The following LRP4 variants were observed in gnomAD, a reference collection of about 807,000 sequenced individuals.
The protein encoded by LRP4 is low-density lipoprotein receptor-related protein 4.
LRP4 carries 95 observed loss-of-function variants against 220.3 expected under a neutral mutation model. That is an observed-to-expected ratio of 0.43 (90% CI 0.37 to 0.51). The LOEUF (loss-of-function observed/expected upper bound fraction) is 0.51, where lower values mean the gene tolerates loss of function less well. LRP4 is among the 20% of genes least tolerant of loss of function. LRP4 has a pLI of 0.00. For synonymous variants in LRP4, 903 were observed against 954.6 expected (o/e 0.95, Z 1.00); for missense variants, 1,925 against 2,567.0 (o/e 0.75, Z 5.40).
chr11:46,887,312 G>A (rs1941317548), intron 16 of LRP4, among the ~76,000 whole-genome samples: 1 of 152,206 alleles, frequency 6.6e-6, no homozygotes, highest in Non-Finnish European at 1.5e-5. Flanking sequence ...TCCTAGGGCT[G>A]GGAAATCCTT....
intron 15 of LRP4, 111 bp downstream of exon 15, chr11:46,889,833 T>C: frequency 3.2e-6 from 4 of 1,248,814 alleles, no homozygotes; most frequent in Non-Finnish European, 4.7e-6. Flanking sequence ...CCCTGCTGGA[T>C]TTCCCCATCA....
At chr11:46,866,656 C>A (rs1940709326) in intron 34 of LRP4, among the ~76,000 whole-genome samples, 1 of 152,290 alleles carries the variant, frequency 6.6e-6, no homozygotes, top group Admixed American at 6.5e-5. Context: ...CAGTGTCTCA[C>A]ATCTGTAATG....
chr11:46,881,050 T>TA (rs1373515574), intron 20 of LRP4, among the ~76,000 whole-genome samples: 12 of 46,326 alleles, frequency 2.6e-4, no homozygotes, highest in Admixed American at 2.2e-3. Context: ...ACCCTGCCTC[T>TA]AAAAAACCAA....
chr11:46,871,952 G>C (rs946304486), intron 30 of LRP4, among the ~76,000 whole-genome samples: 1 of 152,086 alleles, frequency 6.6e-6, no homozygotes, highest in African/African-American at 2.4e-5. Flanking sequence ...TCTTACAAAT[G>C]GTCTTTAAGA....
chr11:46,865,250 C>T, intron 34 of LRP4, 64 bp from the exon 35 acceptor site: 5 of 1,233,366 alleles, frequency 4.1e-6, no homozygotes, highest in Non-Finnish European at 4.7e-6. Flanking sequence ...TGCCTTCCTC[C>T]AGGAAAGGGG....
chr11:46,892,857 A>G (rs1941450575), intron 13 of LRP4, 116 bp downstream of exon 13: 4 of 1,315,090 alleles, frequency 3.0e-6, no homozygotes, highest in Non-Finnish European at 3.2e-6. Flanking sequence ...GGCGTGAGCC[A>G]CCGCGCCCAG....
chr11:46,912,599 T>C (rs1269093872), intron 1 of LRP4, among the ~76,000 whole-genome samples: 1 of 152,188 alleles, frequency 6.6e-6, no homozygotes, highest in African/African-American at 2.4e-5. Flanking sequence ...AGAAGCTGTC[T>C]CTTGTCCTCA....
Position 46,864,387 on chromosome 11 carries a change from A to T in LRP4, c.5243+61T>A, listed in dbSNP as rs928343950. On this transcript the variant is annotated intron_variant, in intron 36 of 37. Transcript: ENST00000378623. ...TCAGTGAACTGCAGAGCTTCGGGAG[A>T]TCCCAGACATGCTCATGAAGACCAA... 38 of 1,253,212 alleles carry T rather than the reference A, an allele frequency of 3.0e-5. No homozygotes were observed. The Middle Eastern group carries it at 7.5e-4, about 25-fold the overall frequency. The allele number at this position is 1,253,212 out of a possible 1,614,324, so 77.6% of individuals were successfully genotyped here.
rs537403005 is a variant in LRP4 at position 46,878,971 on chromosome 11, G to A, written c.3072C>T (p.Ser1024=). The change falls in exon 22 of 38, where the codon AGC becomes AGT. Residue 1024 remains serine (S), a synonymous_variant. Transcript: ENST00000378623. ...CTGTGGGGCAGGTACAGCTGAATCC[G>A]CTTGGATTTGGGGACCTAAGACACA... The part of the protein sequence containing the change: ...SHLCLRSPNP[S]GFSCTCPTGI... The A allele has an allele frequency of 1.1e-5, 17 of 1,614,218 alleles. No individual in the cohort carries two copies. The highest frequency in any genetic ancestry group is 3.3e-4 in the Middle Eastern group (2 of 6,062).
chr11:46,884,578 A>C (rs1438359905), intron 18 of LRP4, among the ~76,000 whole-genome samples: 2 of 152,034 alleles, frequency 1.3e-5, no homozygotes, highest in African/African-American at 4.8e-5. Context: ...CTACTAAAAA[A>C]TACAAAAAAT....
In LRP4 at chr11:46,873,205, A is replaced by G. The variant is rs1451422777; in HGVS notation, c.4478T>C (p.Ile1493Thr). The change falls in exon 30 of 38, where the codon ATT becomes ACT. Residue 1493 changes from isoleucine to threonine, a missense_variant. Transcript: ENST00000378623. This position sits in a 1 kb window ranked among gnomAD's most constrained non-coding sequence, Gnocchi z 4.2. ...CAAGTTTGCCCGTTCGATCTTGGCA[A>G]TGTGGCCCCAGTCTGTCCAGAAGAG... Reference protein sequence around the residue: ...GYLFWTDWGHIAKIERANLDG... With the variant: ...GYLFWTDWGHTAKIERANLDG... 6.2e-7 allele frequency: 1 copy of G among 1,614,178 alleles called. No homozygotes were observed. Among genetic ancestry groups the G allele is most frequent in the East Asian group, 2.2e-5 (1 of 44,884 alleles).
At chr11:46,889,558 G>A (rs1941375757) in intron 15 of LRP4, 25 bp from the exon 16 acceptor site, 1 of 1,612,300 alleles carries the variant, frequency 6.2e-7, no homozygotes, top group Non-Finnish European at 8.5e-7. Flanking sequence ...CAGGGCAAGA[G>A]GATCAGCGAA....
chr11:46,885,589 T>C (rs1565790072), intron 18 of LRP4, among the ~76,000 whole-genome samples: 1 of 151,980 alleles, frequency 6.6e-6, no homozygotes, highest in Non-Finnish European at 1.5e-5. Context: ...CTGGCCAACA[T>C]GGTGAAACCC....
chr11:46,878,077 C>T (rs1435221632), intron 22 of LRP4, among the ~76,000 whole-genome samples: 1 of 152,048 alleles, frequency 6.6e-6, no homozygotes, highest in African/African-American at 2.4e-5. Flanking sequence ...TGCAGCCTAC[C>T]CTGCAGCATC....
Position 46,879,247 on chromosome 11 carries a change from A to G in LRP4, c.2883T>C (p.Thr961=). ...TCTGTATGCTCTTGGTCTGCCAGTC[A>G]GTCCAATAGATGCGCTCTCCATAGA... ...LTLYGERIYW[T]DWQTKSIQSA... Residue 961 remains threonine (T), a synonymous_variant, in exon 21 of 38, where the codon ACT becomes ACC. Transcript: ENST00000378623. The G allele has an allele frequency of 6.2e-7, 1 of 1,614,236 alleles. No individual in the cohort carries two copies.
In LRP4 at chr11:46,896,990, G is replaced by A. The variant is rs746028762; in HGVS notation, c.801C>T (p.Thr267=). 1.9e-5 allele frequency: 31 copies of A among 1,614,186 alleles called. No individual in the cohort carries two copies. The highest frequency in any genetic ancestry group is 2.6e-5 in the Non-Finnish European group (31 of 1,180,006). ...DDQSDERNCT[T]SMCTAEQFRC... Reference sequence around the variant, plus strand: ...GGAACTGTTCTGCCGTACACATGGAGGTGGCTGGGCAAAGCAAAGGCTTAA... The same window carrying A: ...GGAACTGTTCTGCCGTACACATGGAAGTGGCTGGGCAAAGCAAAGGCTTAA... The change falls in exon 8 of 38, where the codon ACC becomes ACT. Residue 267 remains threonine (T), a synonymous_variant. Transcript: ENST00000378623.
Position 46,877,262 on chromosome 11 carries a change from C to T in LRP4, c.3214G>A (p.Val1072Met), listed in dbSNP as rs781054708. The T allele has an allele frequency of 1.2e-6, 2 of 1,614,004 alleles. No individual in the cohort carries two copies. Among genetic ancestry groups the T allele is most frequent in the Non-Finnish European group, 1.7e-6 (2 of 1,179,908 alleles). ...VSLDIPYFADVVVPINITMKN... is the reference protein window; with the variant it reads ...VSLDIPYFADMVVPINITMKN... The stretch of plus-strand genomic sequence containing the variant: ...ATGGTAATGTTGATTGGTACCACCA[C>T]ATCAGCAAAATAAGGGATGTCCAGG... Residue 1072 changes from valine (V) to methionine (M), a missense_variant, in exon 23 of 38, where the codon GTG becomes ATG. By Grantham distance (21) the Val-to-Met change is conservative. Transcript: ENST00000378623.
chr11:46,914,992 G>A (rs1250905243), intron 1 of LRP4, among the ~76,000 whole-genome samples: 1 of 152,176 alleles, frequency 6.6e-6, no homozygotes, highest in Non-Finnish European at 1.5e-5. Flanking sequence ...TGCTGGCCCA[G>A]AAGATGGACA....
At chr11:46,896,425 C>A in intron 8 of LRP4, 90 bp from the exon 9 acceptor site, 19 of 1,538,412 alleles carry the variant, frequency 1.2e-5, no homozygotes, top group Non-Finnish European at 1.7e-5. Context: ...AAGCTGGAGA[C>A]AGATGAGACT....
Sources: allele counts gnomAD v4.1 joint callset (sites outside exome capture counted in the v4.1 genomes callset), GRCh38; gene constraint gnomAD v4.1.1; non-coding constraint Gnocchi (gnomAD v3.1); transcripts MANE v1.5; gene names NCBI Gene and HGNC (gene_info 2026-07-23, HGNC 2026-07-21).